ANKRD36C: variants seen among roughly 807,000 people sequenced by gnomAD.
ANKRD36C encodes ankyrin repeat domain 36C.
In ANKRD36C, 61 loss-of-function variants were observed where a neutral mutation model predicts 276.4. The ratio of observed to expected loss-of-function variants is 0.22; its 90% confidence interval spans 0.18 to 0.27. ANKRD36C has a LOEUF of 0.27. Among genes scored for constraint, ANKRD36C ranks in the 10% least tolerant of loss-of-function variants. ANKRD36C has a pLI of 1.00. For synonymous variants in ANKRD36C, 483 were observed against 680.1 expected, an observed-to-expected ratio of 0.71 and a Z score of 4.51; for missense variants, 1,447 against 2,032.3, an observed-to-expected ratio of 0.71 and a Z score of 5.54.
intron 12 of ANKRD36C, among the ~76,000 whole-genome samples, chr2:95,957,438 T>G (rs561085833): frequency 6.6e-6 from 1 of 152,428 alleles, no homozygotes; most frequent in South Asian, 2.1e-4. Flanking sequence ...TTGGTCAGCT[T>G]GGATATATGT....
intron 59 of ANKRD36C, among the ~76,000 whole-genome samples, chr2:95,870,458 T>A (rs1052433842): frequency 1.3e-5 from 2 of 152,204 alleles, no homozygotes; most frequent in Admixed American, 6.5e-5. Flanking sequence ...GAGGGTTCTC[T>A]CTGGTAGAAG....
At chr2:95,925,118 T>C (rs1236270394) in intron 30 of ANKRD36C, among the ~76,000 whole-genome samples, 1 of 151,624 alleles carries the variant, frequency 6.6e-6, no homozygotes, top group Non-Finnish European at 1.5e-5. Flanking sequence ...TGAACTGTTT[T>C]CCAATGGTTC....
At chr2:95,924,150 A>G (rs1677347328) in intron 30 of ANKRD36C, among the ~76,000 whole-genome samples, 1 of 151,706 alleles carries the variant, frequency 6.6e-6, no homozygotes. Flanking sequence ...CACAATTACA[A>G]TGACACTTCA....
At chr2:95,908,366 T>G (rs2104389037) in intron 42 of ANKRD36C, 136 bp downstream of exon 48, 1 of 730,516 alleles carries the variant, frequency 1.4e-6, no homozygotes, top group East Asian at 1.3e-4. Flanking sequence ...ACCCAAGAAC[T>G]TATTTGAAAT....
chr2:95,976,414 T>C (rs1050284055), intron 6 of ANKRD36C, among the ~76,000 whole-genome samples: 4 of 152,278 alleles, frequency 2.6e-5, no homozygotes, highest in African/African-American at 9.6e-5. Context: ...TCGGGATGTA[T>C]GTGCTTTGGA....
intron 58 of ANKRD36C, among the ~76,000 whole-genome samples, chr2:95,879,293 C>T (rs1184997220): frequency 6.6e-6 from 1 of 152,106 alleles, no homozygotes; most frequent in Non-Finnish European, 1.5e-5. Context: ...ACCATTACCA[C>T]AGTCTAGGAA....
chr2:95,956,989 A>G (rs1573802342), intron 12 of ANKRD36C, among the ~76,000 whole-genome samples, 173 bp from the exon 13 acceptor site: 2 of 152,046 alleles, frequency 1.3e-5, no homozygotes, highest in East Asian at 3.9e-4. Flanking sequence ...CAGCACAGAA[A>G]CACTCTATCT....
chr2:95,858,209 C>A (rs1037039231), intron 61 of ANKRD36C, among the ~76,000 whole-genome samples: 1 of 151,962 alleles, frequency 6.6e-6, no homozygotes, highest in African/African-American at 2.4e-5. Flanking sequence ...GTGTCGGGGG[C>A]CATGGTCACT....
Position 95,886,223 on chromosome 2 carries a change from G to T in ANKRD36C, c.3083C>A (p.Ala1028Asp), listed in dbSNP as rs533234516. The T allele has an allele frequency of 2.5e-6, 3 of 1,183,188 alleles. No individual in the cohort carries two copies. In the African/African-American group the frequency reaches 4.1e-5, roughly 16 times the overall value. The allele number at this position is 1,183,188 out of a possible 1,614,324, so 73.3% of individuals were successfully genotyped here. A position where few individuals can be genotyped will look rare whatever the true frequency, so the allele number is the denominator to read the frequency against. ...ATATGAGTGTTTAATTACCTTCCAG[G>T]CCAGTTGTTTCTGAGAAGACACTGA... Residue 1028 changes from alanine (A) to aspartate (D), a missense_variant, in exon 51 of 67, where the codon GCC (alanine) becomes GAC (aspartate). Coordinates refer to ENST00000456556, the Ensembl canonical transcript of ANKRD36C.
chr2:95,884,079 G>T, intron 54 of ANKRD36C, 94 bp downstream of exon 74: 1 of 1,373,746 alleles, frequency 7.3e-7, no homozygotes, highest in Non-Finnish European at 1.0e-6. Flanking sequence ...ATCAGAATGT[G>T]CAGCTTCGAC....
At chr2:95,940,291 G>A (rs1677842401) in intron 20 of ANKRD36C, among the ~76,000 whole-genome samples, 1 of 152,372 alleles carries the variant, frequency 6.6e-6, no homozygotes, top group African/African-American at 2.4e-5. Context: ...CAAAGTGCTG[G>A]GATTACAGCC....
At chr2:95,927,865 A>G (rs1677452181) in intron 26 of ANKRD36C, among the ~76,000 whole-genome samples, 1 of 151,642 alleles carries the variant, frequency 6.6e-6, no homozygotes. Flanking sequence ...CACAATTACG[A>G]TGACAATTCA....
At chr2:95,908,740 G>C in intron 42 of ANKRD36C, 43 bp from the exon 47 acceptor site, 1 of 1,540,440 alleles carries the variant, frequency 6.5e-7, no homozygotes. Flanking sequence ...ATGTAAAAAT[G>C]ACAAAATTAT....
chr2:95,970,005 C>T (rs1193426521), intron 6 of ANKRD36C, among the ~76,000 whole-genome samples: 1 of 151,908 alleles, frequency 6.6e-6, no homozygotes, highest in Non-Finnish European at 1.5e-5. Context: ...AAATCTATCC[C>T]CCATGTGTAA....
At chr2:95,873,446 G>C (rs1271637101) in intron 59 of ANKRD36C, among the ~76,000 whole-genome samples, 3 of 152,082 alleles carry the variant, frequency 2.0e-5, no homozygotes, top group Non-Finnish European at 4.4e-5. Context: ...ATGCAGAAAA[G>C]GCCTTTGACA....
chr2:95,862,636 T>A (rs1315603016), intron 60 of ANKRD36C, among the ~76,000 whole-genome samples: 7 of 151,094 alleles, frequency 4.6e-5, no homozygotes, highest in Non-Finnish European at 1.0e-4. Flanking sequence ...GAAGAGTGAC[T>A]TAAACCCAAA....
chr2:95,914,396 C>T, intron 38 of ANKRD36C, 93 bp from the exon 41 acceptor site: 3 of 1,454,602 alleles, frequency 2.1e-6, no homozygotes, highest in Non-Finnish European at 2.8e-6. Flanking sequence ...CTCTGTCTTC[C>T]TGCCTGTATT....
At chr2:95,956,015 A>G (rs1436061479) in intron 13 of ANKRD36C, among the ~76,000 whole-genome samples, 1 of 152,180 alleles carries the variant, frequency 6.6e-6, no homozygotes, top group African/African-American at 2.4e-5. Context: ...ATGTCATAGA[A>G]GGAAAAAAGA....
chr2:95,948,600 C>G lies in ANKRD36C; in HGVS notation c.1296-4G>C. 6.5e-7 allele frequency: 1 copy of G among 1,534,312 alleles called. No homozygotes were observed. On this transcript the variant is annotated splice_polypyrimidine_tract_variant and splice_region_variant and intron_variant, in intron 16 of 66. Transcript: ENST00000456556. ...ACGGTCCAGTAGGTAGAGACACCTA[C>G]AGAGCAAAAAGATATGAAAAAAATG...
Sources: allele counts gnomAD v4.1 joint callset (sites outside exome capture counted in the v4.1 genomes callset), GRCh38; gene constraint gnomAD v4.1.1; transcripts MANE v1.5; gene names NCBI Gene and HGNC (gene_info 2026-07-23, HGNC 2026-07-21).